Variants in PHACTR1 observed in about 807,000 individuals in gnomAD.
The protein encoded by PHACTR1 is phosphatase and actin regulator 1, also known as RPEL repeat containing 1.
In PHACTR1, 16 loss-of-function variants were observed where a neutral mutation model predicts 69.2. The observed-to-expected ratio is 0.23, with a 90% CI of 0.16 to 0.35. PHACTR1 has a LOEUF of 0.35. PHACTR1 is among the 10% of genes least tolerant of loss of function. The pLI is 1.00. For missense variants in PHACTR1, 510 were observed against 734.7 expected, an observed-to-expected ratio of 0.69 and a Z score of 3.54; for synonymous variants, 312 against 284.5, an observed-to-expected ratio of 1.10 and a Z score of -0.97.
chr6:12,760,311 G>T (rs1293527783), intron 4 of PHACTR1, among the ~76,000 whole-genome samples: 2 of 152,174 alleles, frequency 1.3e-5, no homozygotes, highest in Admixed American at 6.5e-5. Context: ...CAATGAATAT[G>T]AGTAGCCCCA....
chr6:12,774,774 A>G (rs1769844615), intron 4 of PHACTR1, among the ~76,000 whole-genome samples: 1 of 152,218 alleles, frequency 6.6e-6, no homozygotes, highest in African/African-American at 2.4e-5. Flanking sequence ...GCAGTATCAC[A>G]TCCACAGACA....
intron 4 of PHACTR1, among the ~76,000 whole-genome samples, chr6:13,033,896 A>ATTC (rs10626500): frequency 0.84 from 127,470 of 151,818 alleles, 53,732 homozygotes; most frequent in East Asian, 0.99. Flanking sequence ...CTAAGAAATA[A>ATTC]TTTTAAAACC....
At chr6:12,994,946 A>C (rs1797248061) in intron 4 of PHACTR1, among the ~76,000 whole-genome samples, 1 of 152,168 alleles carries the variant, frequency 6.6e-6, no homozygotes, top group Non-Finnish European at 1.5e-5. Context: ...TGAGTTTGTT[A>C]ATCATAGACC....
At chr6:13,183,731 G>A (rs540285295) in intron 7 of PHACTR1, among the ~76,000 whole-genome samples, 1 of 152,292 alleles carries the variant, frequency 6.6e-6, no homozygotes, top group South Asian at 2.1e-4. Flanking sequence ...CCACCCCAGG[G>A]AGGGTTTCCC....
intron 4 of PHACTR1, among the ~76,000 whole-genome samples, chr6:12,823,487 G>A (rs779410556): frequency 6.6e-6 from 1 of 152,142 alleles, no homozygotes; most frequent in African/African-American, 2.4e-5. Context: ...CAAAATTAAA[G>A]GCTAACTGTA....
chr6:12,957,924 G>A (rs1270883632), intron 4 of PHACTR1: 2 of 985,186 alleles, frequency 2.0e-6, no homozygotes, highest in African/African-American at 3.5e-5. Flanking sequence ...TTCAGAGCCC[G>A]ACACTTGAGG....
In PHACTR1 at chr6:13,275,568, AG is replaced by A. The variant is rs1778715029; in HGVS notation, c.1447+2655del. 1 of 152,034 alleles carries A rather than the reference AG, an allele frequency of 6.6e-6. No individual in the cohort carries two copies. The highest frequency in any genetic ancestry group is 2.4e-5 in the African/African-American group (1 of 41,300). 9.4% of individuals were successfully genotyped at this position (152,034 alleles called of 1,614,324 possible). A position where few individuals can be genotyped will look rare whatever the true frequency, so the allele number is the denominator to read the frequency against. Reference sequence around the variant, plus strand: ...AGGGACCTGTAGGATCAGAAGTCTGAGGCTAGTAATGAGGAGGAGAGCCGGC... The same window carrying A: ...AGGGACCTGTAGGATCAGAAGTCTGAGCTAGTAATGAGGAGGAGAGCCGGC... On this transcript the variant is annotated intron_variant, in intron 11 of 14. Transcript: ENST00000332995. This position sits in a 1 kb window ranked among gnomAD's most constrained non-coding sequence, Gnocchi z 4.0.
rs1178532164 is a variant in PHACTR1 at position 12,959,187 on chromosome 6, AAAAAAAAAGAAAAG to A, written c.251-94169_251-94156del. On this transcript the variant is annotated intron_variant, in intron 4 of 14. Transcript: ENST00000332995. Reference sequence around the variant, plus strand: ...GTGAGACTTTATCTCAAAAAAAAAAAAAAAAAAAGAAAAGAAAAAAAAAAGAAAAGAAAACAGAA... The same window carrying A: ...GTGAGACTTTATCTCAAAAAAAAAAAAAAAAAAAAAGAAAAGAAAACAGAA... 9.6e-3 allele frequency among the ~76,000 whole-genome samples: 1,049 copies of A among 109,126 alleles called. 13 individuals carry two copies. The highest frequency in any genetic ancestry group is 0.055 in the African/African-American group (971 of 17,508). The allele number at this position is 109,126 out of a possible 152,430, so 71.6% of individuals were successfully genotyped here.
chr6:12,781,057 T>G (rs1337980303), intron 4 of PHACTR1, among the ~76,000 whole-genome samples: 2 of 152,228 alleles, frequency 1.3e-5, no homozygotes, highest in South Asian at 2.1e-4. Flanking sequence ...TTTGAAAAAC[T>G]GAAATTCTTC....
chr6:13,255,492 T>A (rs1366236660), intron 10 of PHACTR1, among the ~76,000 whole-genome samples: 1 of 152,180 alleles, frequency 6.6e-6, no homozygotes, highest in Non-Finnish European at 1.5e-5. Context: ...ATTCCAACAT[T>A]AACTCAAAAG....
At chr6:12,851,571 G>A (rs1779830986) in intron 4 of PHACTR1, among the ~76,000 whole-genome samples, 1 of 152,174 alleles carries the variant, frequency 6.6e-6, no homozygotes, top group South Asian at 2.1e-4. Flanking sequence ...CACAGCAATA[G>A]GAAAGCTGGG....
chr6:13,027,409 C>T (rs930527550), intron 4 of PHACTR1, among the ~76,000 whole-genome samples: 2 of 152,090 alleles, frequency 1.3e-5, no homozygotes, highest in Non-Finnish European at 2.9e-5. Flanking sequence ...TTTATGCCAA[C>T]GGGAAGTGTG....
Position 13,245,936 on chromosome 6 carries a change from A to C in PHACTR1, c.1391+15743A>C, listed in dbSNP as rs1183043351. Among the ~76,000 whole-genome samples, 2 of 152,182 alleles carry C rather than the reference A, an allele frequency of 1.3e-5. No individual in the cohort carries two copies. Among genetic ancestry groups the C allele is most frequent in the Non-Finnish European group, 2.9e-5 (2 of 68,030 alleles). On this transcript the variant is annotated intron_variant, in intron 10 of 14. Coordinates refer to ENST00000332995, the MANE Select transcript of PHACTR1 (RefSeq NM_030948.6). This position sits in a 1 kb window ranked among gnomAD's most constrained non-coding sequence, Gnocchi z 4.1. Reference sequence around the variant, plus strand: ...TTCACAACTGTATCATTAGGATCTCAGAGTGTAATAGAACATTTTAGAACT... The same window carrying C: ...TTCACAACTGTATCATTAGGATCTCCGAGTGTAATAGAACATTTTAGAACT...
At chr6:13,045,848 C>T (rs1002465610) in intron 4 of PHACTR1, among the ~76,000 whole-genome samples, 7 of 152,182 alleles carry the variant, frequency 4.6e-5, no homozygotes, top group East Asian at 1.9e-4. Context: ...GGGAGAGCTG[C>T]CTTTACCAGG....
intron 9 of PHACTR1, among the ~76,000 whole-genome samples, chr6:13,229,177 C>A (rs903741361): frequency 6.6e-6 from 1 of 152,208 alleles, no homozygotes; most frequent in Non-Finnish European, 1.5e-5. Context: ...CCTCAGCACT[C>A]CCGGCATTTG....
intron 7 of PHACTR1, among the ~76,000 whole-genome samples, chr6:13,184,081 C>T (rs988846808): frequency 4.6e-5 from 7 of 152,208 alleles, no homozygotes; most frequent in African/African-American, 1.7e-4. Context: ...GCATCCCTTG[C>T]CTCGTCAAAG....
At chr6:13,174,694 A>G (rs1462593491) in intron 6 of PHACTR1, among the ~76,000 whole-genome samples, 1 of 151,410 alleles carries the variant, frequency 6.6e-6, no homozygotes, top group Non-Finnish European at 1.5e-5. Flanking sequence ...CAAGTAAGCC[A>G]TTTTAAATTA....
At chr6:12,866,826 T>A (rs1304285724) in intron 4 of PHACTR1, among the ~76,000 whole-genome samples, 1 of 152,188 alleles carries the variant, frequency 6.6e-6, no homozygotes, top group Non-Finnish European at 1.5e-5. Context: ...GGAAACCAAG[T>A]GGCCCGTAGG....
chr6:12,889,606 A>C (rs912126929), intron 4 of PHACTR1, among the ~76,000 whole-genome samples: 1 of 151,930 alleles, frequency 6.6e-6, no homozygotes, highest in African/African-American at 2.4e-5. Flanking sequence ...TTTCAGTGTT[A>C]TTTTTTTGGC....
Sources: allele counts gnomAD v4.1 joint callset (sites outside exome capture counted in the v4.1 genomes callset), GRCh38; gene constraint gnomAD v4.1.1; non-coding constraint Gnocchi (gnomAD v3.1); transcripts MANE v1.5; gene names NCBI Gene and HGNC (gene_info 2026-07-23, HGNC 2026-07-21).